The following RNF38 variants were observed in gnomAD, a reference collection of about 807,000 sequenced individuals.
RNF38 encodes the protein ring finger protein 38.
In RNF38, 15 loss-of-function variants were observed where a neutral mutation model predicts 67.2. That is an observed-to-expected ratio of 0.22 (90% CI 0.15 to 0.34). The LOEUF (loss-of-function observed/expected upper bound fraction) is 0.34. Ranked by LOEUF, RNF38 falls within the 10% of genes least tolerant of loss-of-function variation. The pLI, the probability that RNF38 is intolerant of heterozygous loss-of-function variation, is 1.00. For synonymous variants in RNF38, 220 were observed against 218.8 expected (o/e 1.01, Z -0.05); for missense variants, 524 against 639.9 (o/e 0.82, Z 1.95).
chr9:36,368,670 A>G (rs1049819801), intron 4 of RNF38, among the ~76,000 whole-genome samples: 4 of 152,212 alleles, frequency 2.6e-5, no homozygotes, highest in Admixed American at 2.6e-4. Context: ...TTTCATGAAC[A>G]TAATAAAAAT....
intron 1 of RNF38, among the ~76,000 whole-genome samples, chr9:36,395,889 T>C (rs1837475783): frequency 6.6e-6 from 1 of 152,152 alleles, no homozygotes; most frequent in South Asian, 2.1e-4. Flanking sequence ...CCAGAAACAC[T>C]ACTACTTGGG....
At chr9:36,483,337 G>T (rs1461272340) in intron 1 of RNF38, among the ~76,000 whole-genome samples, 1 of 152,176 alleles carries the variant, frequency 6.6e-6, no homozygotes, top group East Asian at 1.9e-4. Flanking sequence ...AGTGAGCCGA[G>T]ATTGCGCCAC....
chr9:36,352,200 C>T (rs1178898238), intron 8 of RNF38, among the ~76,000 whole-genome samples: 2 of 151,518 alleles, frequency 1.3e-5, no homozygotes, highest in Non-Finnish European at 1.5e-5. Context: ...CTTGGGAGGC[C>T]GAGGCAGGAA....
intron 1 of RNF38, among the ~76,000 whole-genome samples, chr9:36,473,615 A>G (rs1840048629): frequency 6.6e-6 from 1 of 152,048 alleles, no homozygotes; most frequent in Non-Finnish European, 1.5e-5. Flanking sequence ...AAATAAATAA[A>G]TAAGTGTACC....
chr9:36,431,389 G>A (rs771209402), intron 1 of RNF38, among the ~76,000 whole-genome samples: 4 of 152,108 alleles, frequency 2.6e-5, no homozygotes, highest in South Asian at 4.1e-4. Flanking sequence ...TGGTATTTGC[G>A]TATCAAAACA....
intron 1 of RNF38, among the ~76,000 whole-genome samples, chr9:36,391,282 G>A (rs1837060837): frequency 6.6e-6 from 1 of 152,216 alleles, no homozygotes; most frequent in Admixed American, 6.5e-5. Context: ...CAAGGTGGGA[G>A]GATCGCCCCA....
chr9:36,451,214 A>G lies in RNF38; in HGVS notation n.242-26531T>C, dbSNP rs1027138903. Among the ~76,000 whole-genome samples the G allele has an allele frequency of 1.2e-4, 19 of 152,176 alleles. No homozygotes were observed. In the East Asian group the frequency reaches 3.5e-3, roughly 28 times the overall value. On this transcript the variant is annotated intron_variant and non_coding_transcript_variant, in intron 1 of 3. Transcript: ENST00000488058. ...CGCAGTGGCTCATGTCTGTAATCCC[A>G]GCACTTTGGGAGGCCGAGGCAGGAG...
intron 1 of RNF38, among the ~76,000 whole-genome samples, chr9:36,466,260 GGA>G: frequency 6.6e-6 from 1 of 152,306 alleles, no homozygotes; most frequent in South Asian, 2.1e-4. Flanking sequence ...GGGAGGAAAT[GGA>G]GAGTGACTGC....
chr9:36,462,405 C>T (rs1319006025), intron 1 of RNF38, among the ~76,000 whole-genome samples: 1 of 152,106 alleles, frequency 6.6e-6, no homozygotes, highest in South Asian at 2.1e-4. Flanking sequence ...CTCAGCACAG[C>T]GGCCAGAAAG....
chr9:36,473,524 G>A (rs1364594343), intron 1 of RNF38, among the ~76,000 whole-genome samples: 1 of 151,740 alleles, frequency 6.6e-6, no homozygotes, highest in Non-Finnish European at 1.5e-5. Context: ...AGAGGTGGAG[G>A]TTGCAGTGAG....
At chr9:36,476,066 T>C (rs530502025) in intron 1 of RNF38, among the ~76,000 whole-genome samples, 7 of 151,122 alleles carry the variant, frequency 4.6e-5, no homozygotes, top group Non-Finnish European at 8.9e-5. Context: ...ATAACCTAGA[T>C]AATAGTTTAC....
rs1325902069 is a variant in RNF38 at position 36,400,094 on chromosome 9, T to C, written c.12+3A>G. 25 of 1,611,736 alleles carry C rather than the reference T, an allele frequency of 1.6e-5. No homozygotes were observed. The highest frequency in any genetic ancestry group is 2.0e-5 in the Non-Finnish European group (24 of 1,178,490). ...TTTTGCAACACAAAGAAAAATACTT[T>C]ACCTTACAAGCCATACAGACGTAAA... On this transcript the variant is annotated splice_donor_region_variant and intron_variant, in intron 1 of 11. Coordinates refer to ENST00000259605, the MANE Select transcript of RNF38 (RefSeq NM_022781.5).
At chr9:36,433,483 T>C (rs923299531) in intron 1 of RNF38, among the ~76,000 whole-genome samples, 19 of 151,980 alleles carry the variant, frequency 1.3e-4, no homozygotes, top group African/African-American at 4.6e-4. Flanking sequence ...CTCATGCCTA[T>C]AATCCCAGCA....
In RNF38 at chr9:36,430,846, TA is replaced by T. The variant is rs11285700; in HGVS notation, n.242-6164del. On this transcript the variant is annotated intron_variant and non_coding_transcript_variant, in intron 1 of 3. Coordinates refer to the RNF38 transcript ENST00000488058. ...ACAAAAATCTGGCCCTAATGAGGAT[TA>T]AAAAAAAAAAAATCAACATGGCTTT... is the stretch of plus-strand genomic sequence containing the variant. Among the ~76,000 whole-genome samples the T allele has an allele frequency of 5.1e-3, 733 of 143,804 alleles. 2 individuals carry two copies. Among genetic ancestry groups the T allele is most frequent in the African/African-American group, 0.012 (474 of 39,450 alleles). The allele number at this position is 143,804 out of a possible 152,430, so 94.3% of individuals were successfully genotyped here. A position where few individuals can be genotyped will look rare whatever the true frequency, so the allele number is the denominator to read the frequency against.
intron 9 of RNF38, among the ~76,000 whole-genome samples, chr9:36,348,342 A>T (rs1372110856): frequency 6.6e-6 from 1 of 151,794 alleles, no homozygotes; most frequent in Non-Finnish European, 1.5e-5. Context: ...GTGTGGTGGC[A>T]TGTATCTACT....
chr9:36,433,311 A>C lies in RNF38; in HGVS notation n.242-8628T>G, dbSNP rs375705796. 1.3e-3 allele frequency among the ~76,000 whole-genome samples: 205 copies of C among 152,136 alleles called. 3 individuals carry two copies. In the South Asian group the frequency reaches 0.039, roughly 29 times the overall value. On this transcript the variant is annotated intron_variant and non_coding_transcript_variant, in intron 1 of 3. Transcript: ENST00000488058. ...TTGTAACACAAAGGATAAATGCTTG[A>C]GGTGATGGATACCCCCCCCTTACCC...
In RNF38 at chr9:36,394,034, T is replaced by C. The variant is rs1042302085; in HGVS notation, c.13-3418A>G. Among the ~76,000 whole-genome samples, 5 of 152,286 alleles carry C rather than the reference T, an allele frequency of 3.3e-5. No homozygotes were observed. The East Asian group carries it at 9.6e-4, about 29-fold the overall frequency. On this transcript the variant is annotated intron_variant, in intron 1 of 11. Transcript: ENST00000259605. ...GCTCACGCCTGTAATCCCAGCACTT[T>C]GGGAGGCCGAGGCGGGCAGATCACA...
At chr9:36,442,651 G>A (rs1319796553) in intron 1 of RNF38, among the ~76,000 whole-genome samples, 1 of 152,014 alleles carries the variant, frequency 6.6e-6, no homozygotes, top group Middle Eastern at 3.2e-3. Flanking sequence ...GTGGTGGCAC[G>A]CCCTATAGTC....
At chr9:36,341,549 T>C (rs763125238) in intron 11 of RNF38, among the ~76,000 whole-genome samples, 1 of 152,124 alleles carries the variant, frequency 6.6e-6, no homozygotes, top group Non-Finnish European at 1.5e-5. Flanking sequence ...TATGAAACTA[T>C]GAAGAGTAAA....
Sources: allele counts gnomAD v4.1 joint callset (sites outside exome capture counted in the v4.1 genomes callset), GRCh38; gene constraint gnomAD v4.1.1; transcripts MANE v1.5; gene names NCBI Gene and HGNC (gene_info 2026-07-23, HGNC 2026-07-21).